CHRM3: variants seen among roughly 807,000 people sequenced by gnomAD.
CHRM3 encodes muscarinic acetylcholine receptor M3.
A neutral mutation model predicts 41.8 loss-of-function variants in CHRM3; 11 were observed. The observed-to-expected ratio is 0.26, with a 90% confidence interval of 0.17 to 0.44. CHRM3 has a LOEUF of 0.44. Among genes scored for constraint, CHRM3 ranks in the 20% least tolerant of loss-of-function variants. The pLI, the probability that CHRM3 is intolerant of heterozygous loss-of-function variation, is 1.00. For synonymous variants in CHRM3, 297 were observed against 301.4 expected (o/e 0.99, Z 0.15); for missense variants, 571 against 745.4 (o/e 0.77, Z 2.72).
chr1:239,613,998 A>G lies in CHRM3; in HGVS notation c.-312-18226A>G, dbSNP rs573027237. Reference sequence around the variant, plus strand: ...AGTGAAATACCCCTCTCTACAAAAAAAATAAAATAAATAAAACAATTAGCT... The same window carrying G: ...AGTGAAATACCCCTCTCTACAAAAAGAATAAAATAAATAAAACAATTAGCT... On this transcript the variant is annotated intron_variant, in intron 3 of 6. Transcript: ENST00000676153. 4.1e-4 allele frequency among the ~76,000 whole-genome samples: 62 copies of G among 152,206 alleles called. No individual in the cohort carries two copies. The Middle Eastern group carries it at 0.01, about 25-fold the overall frequency.
chr1:239,556,051 T>TTAC (rs565630320), intron 3 of CHRM3, among the ~76,000 whole-genome samples: 270 of 152,344 alleles, frequency 1.8e-3, no homozygotes, highest in African/African-American at 6.3e-3. Context: ...CAAACTCTGT[T>TTAC]TACTACGTTG....
chr1:239,871,313 C>G (rs184017787), intron 6 of CHRM3, among the ~76,000 whole-genome samples: 1 of 152,160 alleles, frequency 6.6e-6, no homozygotes, highest in Non-Finnish European at 1.5e-5. Context: ...GCGATTTCGG[C>G]TCACTGCAAC....
intron 5 of CHRM3, chr1:239,704,376 A>G (rs1660950067): frequency 1.3e-5 from 2 of 152,134 alleles, no homozygotes; most frequent in South Asian, 2.1e-4. Flanking sequence ...AATTATTGGC[A>G]AGACTGCGAC....
At chr1:239,428,169 A>G (rs1662545311) in intron 1 of CHRM3, among the ~76,000 whole-genome samples, 1 of 152,212 alleles carries the variant, frequency 6.6e-6, no homozygotes, top group Admixed American at 6.5e-5. Flanking sequence ...TCAAGCCACC[A>G]TGACATTATC....
At chr1:239,556,722 G>A (rs896478832) in intron 3 of CHRM3, among the ~76,000 whole-genome samples, 1 of 152,146 alleles carries the variant, frequency 6.6e-6, no homozygotes, top group African/African-American at 2.4e-5. Flanking sequence ...CCACACAGAG[G>A]AGGCACATAA....
intron 3 of CHRM3, among the ~76,000 whole-genome samples, chr1:239,561,232 C>T (rs1287004976): frequency 6.6e-6 from 1 of 152,146 alleles, no homozygotes; most frequent in African/African-American, 2.4e-5. Context: ...ATGACATTAA[C>T]GTAACATAAC....
chr1:239,712,473 A>T (rs1337757586), intron 5 of CHRM3, among the ~76,000 whole-genome samples: 1 of 152,202 alleles, frequency 6.6e-6, no homozygotes, highest in Non-Finnish European at 1.5e-5. Context: ...TATCATCAGG[A>T]TCTTATGCTA....
At chr1:239,583,871 A>T (rs968341279) in intron 3 of CHRM3, among the ~76,000 whole-genome samples, 1 of 152,036 alleles carries the variant, frequency 6.6e-6, no homozygotes, top group Non-Finnish European at 1.5e-5. Context: ...TAGAGAAAAA[A>T]AATGCTTTAA....
At chr1:239,600,794 T>C (rs1359947741) in intron 3 of CHRM3, among the ~76,000 whole-genome samples, 2 of 150,096 alleles carry the variant, frequency 1.3e-5, no homozygotes, top group Non-Finnish European at 3.0e-5. Context: ...TTCCTTCCTT[T>C]TCTTTCCTTC....
intron 5 of CHRM3, among the ~76,000 whole-genome samples, chr1:239,818,661 T>C (rs1231701276): frequency 6.6e-6 from 1 of 152,192 alleles, no homozygotes; most frequent in Non-Finnish European, 1.5e-5. Flanking sequence ...TATGACAAGC[T>C]TAATTTCAAG....
At chr1:239,771,070 A>G (rs1667622281) in intron 5 of CHRM3, among the ~76,000 whole-genome samples, 1 of 151,374 alleles carries the variant, frequency 6.6e-6, no homozygotes, top group Non-Finnish European at 1.5e-5. Context: ...CCTGGGCAAC[A>G]CAGCCAGACT....
At chr1:239,425,735 G>A (rs1662318314) in intron 1 of CHRM3, among the ~76,000 whole-genome samples, 1 of 152,070 alleles carries the variant, frequency 6.6e-6, no homozygotes, top group South Asian at 2.1e-4. Context: ...TGATCATCAG[G>A]TTCTGATGAT....
intron 6 of CHRM3, among the ~76,000 whole-genome samples, chr1:239,837,382 T>C (rs989514112): frequency 1.3e-5 from 2 of 152,188 alleles, no homozygotes; most frequent in Non-Finnish European, 2.9e-5. Context: ...TCTCCAGATC[T>C]TTTTGTTCCT....
At chr1:239,399,100 C>T (rs917035470) in intron 1 of CHRM3, among the ~76,000 whole-genome samples, 1 of 152,098 alleles carries the variant, frequency 6.6e-6, no homozygotes, top group African/African-American at 2.4e-5. Context: ...TGCAAGATAT[C>T]CTGAAGAAAG....
intron 5 of CHRM3, among the ~76,000 whole-genome samples, chr1:239,808,062 C>T (rs896912411): frequency 6.6e-6 from 1 of 152,050 alleles, no homozygotes; most frequent in Non-Finnish European, 1.5e-5. Context: ...AATTCTTTAT[C>T]GGTAATCGTC....
intron 4 of CHRM3, among the ~76,000 whole-genome samples, chr1:239,668,920 A>G (rs1379763705): frequency 6.6e-6 from 1 of 152,190 alleles, no homozygotes; most frequent in East Asian, 1.9e-4. Context: ...TTTACACCGC[A>G]CTAAGAAACT....
chr1:239,752,505 T>C (rs980587241), intron 5 of CHRM3, among the ~76,000 whole-genome samples: 17 of 152,230 alleles, frequency 1.1e-4, no homozygotes, highest in African/African-American at 3.9e-4. Context: ...GCTTGCAATA[T>C]GGTTTCCAGT....
At chr1:239,874,988 C>T (rs953605475) in intron 6 of CHRM3, among the ~76,000 whole-genome samples, 12 of 152,060 alleles carry the variant, frequency 7.9e-5, no homozygotes, top group African/African-American at 2.9e-4. Flanking sequence ...CATGAGCCAC[C>T]GCACCCAGCC....
intron 1 of CHRM3, among the ~76,000 whole-genome samples, chr1:239,451,117 A>T (rs1485737681): frequency 6.6e-6 from 1 of 152,108 alleles, no homozygotes; most frequent in Non-Finnish European, 1.5e-5. Context: ...CTAGCAACTC[A>T]GGAAGCTGAG....
Sources: gnomAD v4.1 joint callset for allele counts (sites outside exome capture counted in the v4.1 genomes callset) on GRCh38, gnomAD v4.1.1 for gene constraint, MANE v1.5 for transcripts, NCBI Gene and HGNC (gene_info 2026-07-23, HGNC 2026-07-21) for gene names.